The following AADACL2 variants were observed in gnomAD, a reference collection of about 807,000 sequenced individuals.
AADACL2 encodes the protein arylacetamide deacetylase like 2.
AADACL2 carries 23 observed loss-of-function variants against 22.3 expected under a neutral mutation model. The observed-to-expected ratio is 1.03, with a 90% CI of 0.74 to 1.46. The LOEUF (loss-of-function observed/expected upper bound fraction) is 1.46. AADACL2 is among the 40% of genes most tolerant of loss of function. AADACL2 has a pLI of 0.00. For synonymous variants in AADACL2, 177 were observed against 166.2 expected (o/e 1.07, Z -0.50); for missense variants, 472 against 482.9 (o/e 0.98, Z 0.21).
In AADACL2 at chr3:151,735,476, G is replaced by C. The variant is rs151147821; in HGVS notation, c.138+1303G>C. On this transcript the variant is annotated intron_variant, in intron 1 of 4. Transcript: ENST00000356517. ...ATACTTCCTCGTCTTTAAATTATAA[G>C]GGTTAGCATGGTGGCTCACGATTGT... 6.1e-3 allele frequency among the ~76,000 whole-genome samples: 933 copies of C among 152,296 alleles called. 10 individuals carry two copies. Among genetic ancestry groups the C allele is most frequent in the African/African-American group, 0.021 (890 of 41,564 alleles).
chr3:151,744,037 G>A, intron 2 of AADACL2, 56 bp from the exon 3 acceptor site: 1 of 1,556,256 alleles, frequency 6.4e-7, no homozygotes, highest in Non-Finnish European at 8.9e-7. Context: ...ATCTGTAACT[G>A]TTTCTATAGC....
chr3:151,759,382 C>T lies in AADACL2; in HGVS notation c.*1788C>T, dbSNP rs1050685570. 2.0e-5 allele frequency: 3 copies of T among 152,096 alleles called. No homozygotes were observed. The highest frequency in any genetic ancestry group is 7.2e-5 in the African/African-American group (3 of 41,430). The allele number at this position is 152,096 out of a possible 1,614,324, so 9.4% of individuals were successfully genotyped here. ...ATTTGTAAGAAAATCATTAAAAATGCAGCTCTCTAGGAAGCACATTTTGTT... is the reference window on the plus strand; with the variant it reads ...ATTTGTAAGAAAATCATTAAAAATGTAGCTCTCTAGGAAGCACATTTTGTT... On this transcript the variant is annotated 3_prime_UTR_variant, in exon 5 of 5. Coordinates refer to ENST00000356517, the MANE Select transcript of AADACL2 (RefSeq NM_207365.4).
rs749441669 is a variant in AADACL2 at position 151,760,406 on chromosome 3, GT to G, written c.*2813del. On this transcript the variant is annotated 3_prime_UTR_variant, in exon 5 of 5. Transcript: ENST00000356517. ...AAGGCAAGGGTTTATGTTACAGTTT[GT>G]GTACTAGTCCAAGTCCCAAGTTGTG... 4.0e-4 allele frequency: 61 copies of G among 152,210 alleles called. No homozygotes were observed. The highest frequency in any genetic ancestry group is 4.6e-4 in the Admixed American group (7 of 15,280). 9.4% of individuals were successfully genotyped at this position (152,210 alleles called of 1,614,324 possible).
At chr3:151,753,020 T>C (rs957555532) in intron 4 of AADACL2, among the ~76,000 whole-genome samples, 3 of 152,202 alleles carry the variant, frequency 2.0e-5, no homozygotes, top group African/African-American at 7.2e-5. Flanking sequence ...AACAGTTTAA[T>C]AGCAAATATT....
At chr3:151,754,751 G>T (rs976479342) in intron 4 of AADACL2, among the ~76,000 whole-genome samples, 2 of 152,010 alleles carry the variant, frequency 1.3e-5, no homozygotes, top group Non-Finnish European at 2.9e-5. Context: ...GGACATTACC[G>T]TGAGCCAGAT....
rs746590310 is a variant in AADACL2, at chr3:151,740,755, A to G, written c.248A>G (p.Asp83Gly). 1 of 1,614,042 alleles carries G rather than the reference A, an allele frequency of 6.2e-7. No homozygotes were observed. The highest frequency in any genetic ancestry group is 1.1e-5 in the South Asian group (1 of 91,084). Reference protein sequence around the residue: ...PLSDEYITVTDTTFVDIPVRL... With the variant: ...PLSDEYITVTGTTFVDIPVRL... ...TCAGATGAATACATCACAGTGACTGATACAACATTTGTTGACATTCCAGTA... is the reference window on the plus strand; with the variant it reads ...TCAGATGAATACATCACAGTGACTGGTACAACATTTGTTGACATTCCAGTA... Residue 83 changes from aspartate to glycine, a missense_variant, in exon 2 of 5, where the codon GAT becomes GGT. Asp to Gly is a moderately conservative substitution (Grantham distance 94, BLOSUM62 -1). Coordinates refer to ENST00000356517, the MANE Select transcript of AADACL2 (RefSeq NM_207365.4).
At position 151,759,417 on chromosome 3, in the gene AADACL2, A is replaced by G. The variant is rs1020830482; in HGVS notation, c.*1823A>G. The G allele has an allele frequency of 1.4e-4, 21 of 152,258 alleles. No homozygotes were observed. Among genetic ancestry groups the G allele is most frequent in the African/African-American group, 4.8e-4 (20 of 41,562 alleles). The allele number at this position is 152,258 out of a possible 1,614,324, so 9.4% of individuals were successfully genotyped here. On this transcript the variant is annotated 3_prime_UTR_variant, in exon 5 of 5. Coordinates refer to ENST00000356517, the MANE Select transcript of AADACL2 (RefSeq NM_207365.4). ...GGAAGCACATTTTGTTGATTGTCCT[A>G]TTGTCTGAACATTTTCACAGTGATT...
At chr3:151,753,129 T>C (rs1222520436) in intron 4 of AADACL2, among the ~76,000 whole-genome samples, 1 of 152,184 alleles carries the variant, frequency 6.6e-6, no homozygotes, top group African/African-American at 2.4e-5. Flanking sequence ...AGATAGTATG[T>C]ATGTTAGTTT....
In AADACL2 at chr3:151,757,199, C is replaced by A. The variant is rs745447077; in HGVS notation, c.811C>A (p.Pro271Thr). 1.9e-6 allele frequency: 3 copies of A among 1,613,500 alleles called. No individual in the cohort carries two copies. Among genetic ancestry groups the A allele is most frequent in the South Asian group, 2.2e-5 (2 of 91,040 alleles). Reference sequence around the variant, plus strand: ...GGCAATGAGAAGAAACCAACACATGCCTCTGGAGTCAAGACATCTGTTTAA... The same window carrying A: ...GGCAATGAGAAGAAACCAACACATGACTCTGGAGTCAAGACATCTGTTTAA... ...PWAMRRNQHM[P>T]LESRHLFKFV... is the part of the protein sequence containing the mutation. Residue 271 changes from proline to threonine, a missense_variant, in exon 5 of 5, where the codon CCT becomes ACT. This residue lies in a region of AADACL2 where 356 missense variants were observed against 365.5 expected (regional missense o/e 0.97). Coordinates refer to ENST00000356517, the MANE Select transcript of AADACL2 (RefSeq NM_207365.4).
rs867406065 is a variant in AADACL2, at chr3:151,734,166, C to T, written c.131C>T (p.Thr44Ile). ...MALDAIAKTC[T>I]FTAMCFENMR... is the part of the protein sequence containing the mutation. ...TTGGATGCCATCGCTAAAACTTGTA[C>T]ATTTACGGTAAGGTTAACATTTATT... The change falls in exon 1 of 5, where the codon ACA becomes ATA. Residue 44 changes from threonine (T) to isoleucine (I), a missense_variant. This residue lies in a region of AADACL2 where 356 missense variants were observed against 365.5 expected (regional missense o/e 0.97). Transcript: ENST00000356517. 1.2e-6 allele frequency: 2 copies of T among 1,612,614 alleles called. No individual in the cohort carries two copies. The highest frequency in any genetic ancestry group is 1.7e-5 in the Admixed American group (1 of 59,806).
intron 4 of AADACL2, among the ~76,000 whole-genome samples, chr3:151,748,213 C>T (rs1191899133): frequency 1.3e-5 from 2 of 152,120 alleles, no homozygotes; most frequent in Non-Finnish European, 2.9e-5. Flanking sequence ...TCATTTTTCT[C>T]TAAGCCTTCT....
At chr3:151,747,783 T>G (rs1449197593) in intron 4 of AADACL2, among the ~76,000 whole-genome samples, 2 of 152,144 alleles carry the variant, frequency 1.3e-5, no homozygotes, top group African/African-American at 4.8e-5. Context: ...CTTTGTTTCC[T>G]TTGGATAGAT....
At chr3:151,749,575 C>T (rs979345286) in intron 4 of AADACL2, among the ~76,000 whole-genome samples, 3 of 152,046 alleles carry the variant, frequency 2.0e-5, no homozygotes, top group Non-Finnish European at 4.4e-5. Context: ...CTCTGCCTCC[C>T]GGGTTCATGC....
chr3:151,738,978 C>T (rs1713187995), intron 1 of AADACL2, among the ~76,000 whole-genome samples: 2 of 152,290 alleles, frequency 1.3e-5, no homozygotes, highest in South Asian at 4.1e-4. Context: ...TATTACCCAT[C>T]TTCTGAGTCC....
chr3:151,750,399 A>G (rs1414964522), intron 4 of AADACL2, among the ~76,000 whole-genome samples: 4 of 152,156 alleles, frequency 2.6e-5, no homozygotes, highest in African/African-American at 7.2e-5. Context: ...AAGTTCACCT[A>G]TGAGTCTCTG....
chr3:151,757,770 A>T lies in AADACL2; in HGVS notation c.*176A>T, dbSNP rs1713994108. 2 of 612,544 alleles carry T rather than the reference A, an allele frequency of 3.3e-6. No homozygotes were observed. The highest frequency in any genetic ancestry group is 6.0e-5 in the South Asian group (2 of 33,502). 37.9% of individuals were successfully genotyped at this position (612,544 alleles called of 1,614,324 possible). ...ATTTTCTGACTTGCAGACCCTGAATATGTAAAATGTATGTAATCCTGCCTA... is the reference window on the plus strand; with the variant it reads ...ATTTTCTGACTTGCAGACCCTGAATTTGTAAAATGTATGTAATCCTGCCTA... On this transcript the variant is annotated 3_prime_UTR_variant, in exon 5 of 5. Coordinates refer to ENST00000356517, the MANE Select transcript of AADACL2 (RefSeq NM_207365.4).
intron 4 of AADACL2, among the ~76,000 whole-genome samples, chr3:151,756,098 G>C (rs1244436893): frequency 1.3e-5 from 2 of 152,018 alleles, no homozygotes; most frequent in East Asian, 3.9e-4. Flanking sequence ...TGACTTAGAG[G>C]TACATCCTGT....
At chr3:151,742,475 T>C (rs1713312397) in intron 2 of AADACL2, among the ~76,000 whole-genome samples, 2 of 151,840 alleles carry the variant, frequency 1.3e-5, no homozygotes, top group East Asian at 1.9e-4. Flanking sequence ...ACAAAAAGGA[T>C]TGGGAGATAA....
At chr3:151,751,150 T>A (rs908893448) in intron 4 of AADACL2, among the ~76,000 whole-genome samples, 1 of 151,866 alleles carries the variant, frequency 6.6e-6, no homozygotes, top group Admixed American at 6.5e-5. Context: ...ATTTGAAAGA[T>A]CTTACTGGAG....
Sources: gnomAD v4.1 joint callset for allele counts (sites outside exome capture counted in the v4.1 genomes callset) on GRCh38, gnomAD v4.1.1 for gene constraint, gnomAD v4.1.1 regional missense constraint, MANE v1.5 for transcripts, NCBI Gene and HGNC (gene_info 2026-07-23, HGNC 2026-07-21) for gene names.